Variants in ATXN7 observed in about 807,000 individuals in gnomAD.
ATXN7 encodes the protein ataxin-7.
A neutral mutation model predicts 70.5 loss-of-function variants in ATXN7; 12 were observed. That is an observed-to-expected ratio of 0.17 (90% CI 0.11 to 0.28). The LOEUF (loss-of-function observed/expected upper bound fraction) is 0.28. Ranked by LOEUF, ATXN7 falls within the 10% of genes least tolerant of loss-of-function variation. The pLI, the probability that ATXN7 is intolerant of heterozygous loss-of-function variation, is 1.00. For synonymous variants in ATXN7, 498 were observed against 448.7 expected (o/e 1.11, Z -1.39); for missense variants, 1,256 against 1,131.7 (o/e 1.11, Z -1.58).
chr3:64,002,560 G>T lies in ATXN7; in HGVS notation c.*3093G>T, dbSNP rs189032643. ...CACATGTATGTTACTATGTGATGTG[G>T]TTTAAAACTAATGGAAAAAACTGAA... On this transcript the variant is annotated 3_prime_UTR_variant, in exon 13 of 13. Transcript: ENST00000674280. 2.0e-5 allele frequency: 3 copies of T among 152,132 alleles called. No individual in the cohort carries two copies. In the East Asian group the frequency reaches 5.8e-4, roughly 29 times the overall value. 9.4% of individuals were successfully genotyped at this position (152,132 alleles called of 1,614,324 possible). A position where few individuals can be genotyped will look rare whatever the true frequency, so the allele number is the denominator to read the frequency against.
intron 1 of ATXN7, among the ~76,000 whole-genome samples, chr3:63,875,403 CAT>C (rs1439857567): frequency 6.6e-6 from 1 of 152,068 alleles, no homozygotes; most frequent in Non-Finnish European, 1.5e-5. Flanking sequence ...AGGATTTCAA[CAT>C]GTGAATTTGG....
chr3:63,968,037 C>A, intron 5 of ATXN7: 9 of 1,349,614 alleles, frequency 6.7e-6, no homozygotes, highest in Non-Finnish European at 9.2e-6. Context: ...TCTGGATGAG[C>A]CTGTGGACGG....
At chr3:63,954,910 T>C (rs996705485) in intron 5 of ATXN7, among the ~76,000 whole-genome samples, 1 of 152,038 alleles carries the variant, frequency 6.6e-6, no homozygotes, top group African/African-American at 2.4e-5. Flanking sequence ...CGTTTCACCA[T>C]GTTGGCCAGG....
At chr3:63,984,622 A>G (rs1213603581) in intron 8 of ATXN7, among the ~76,000 whole-genome samples, 1 of 152,228 alleles carries the variant, frequency 6.6e-6, no homozygotes, top group Non-Finnish European at 1.5e-5. Context: ...TTTCAAACCC[A>G]AGATGTTCTT....
intron 4 of ATXN7, among the ~76,000 whole-genome samples, chr3:63,920,012 T>C (rs1704445376): frequency 6.6e-6 from 1 of 152,010 alleles, no homozygotes; most frequent in Non-Finnish European, 1.5e-5. Context: ...AGCTGAAGCC[T>C]TGTTACAGGT....
Position 63,935,900 on chromosome 3 carries a change from G to A in ATXN7, c.395-16479G>A, listed in dbSNP as rs182444253. On this transcript the variant is annotated intron_variant, in intron 4 of 12. Transcript: ENST00000674280. ...GATGCTGGGGATAAACAGATATGTC[G>A]AACCTTATGTAGCAGGGTTGCATCT... is the stretch of plus-strand genomic sequence containing the variant. Among the ~76,000 whole-genome samples, 15 of 152,216 alleles carry A rather than the reference G, an allele frequency of 9.9e-5. 1 individual carries two copies. Among genetic ancestry groups the A allele is most frequent in the Admixed American group, 6.5e-4 (10 of 15,290 alleles).
chr3:63,983,114 G>A (rs983077121), intron 8 of ATXN7, 93 bp downstream of exon 8: 3 of 1,021,290 alleles, frequency 2.9e-6, no homozygotes, highest in South Asian at 2.6e-5. Context: ...CTAACCCAGA[G>A]AAGATGCTCT....
chr3:63,960,903 C>A (rs1364982344), intron 5 of ATXN7, among the ~76,000 whole-genome samples: 2 of 152,088 alleles, frequency 1.3e-5, no homozygotes, highest in Non-Finnish European at 1.5e-5. Flanking sequence ...TCTAGTCATA[C>A]AAGCCAGGAA....
chr3:63,936,253 AT>A (rs895027355), intron 4 of ATXN7, among the ~76,000 whole-genome samples: 10 of 151,554 alleles, frequency 6.6e-5, no homozygotes, highest in South Asian at 2.1e-4. Context: ...AATTATATGG[AT>A]TTTTTTTTCA....
chr3:63,944,703 C>T (rs996362066), intron 4 of ATXN7, among the ~76,000 whole-genome samples: 16 of 152,038 alleles, frequency 1.1e-4, no homozygotes, highest in Non-Finnish European at 1.8e-4. Context: ...TAGTAAGAGC[C>T]GGGGACCTTG....
intron 1 of ATXN7, among the ~76,000 whole-genome samples, chr3:63,884,249 A>T (rs919698838): frequency 7.4e-5 from 11 of 149,558 alleles, no homozygotes; most frequent in African/African-American, 9.8e-5. Context: ...ACATACTCTC[A>T]CACACACACA....
intron 5 of ATXN7, among the ~76,000 whole-genome samples, chr3:63,976,523 T>G (rs1037454748): frequency 2.0e-5 from 3 of 150,130 alleles, no homozygotes; most frequent in Non-Finnish European, 3.0e-5. Context: ...GAAAATAGAC[T>G]TTTTTGGGAT....
intron 4 of ATXN7, among the ~76,000 whole-genome samples, chr3:63,937,763 A>G (rs940793200): frequency 1.3e-5 from 2 of 152,148 alleles, no homozygotes; most frequent in African/African-American, 4.8e-5. Context: ...TCAGGAGTCA[A>G]CTAGTTTTAA....
chr3:63,902,627 G>A (rs903336555), intron 2 of ATXN7, among the ~76,000 whole-genome samples: 1 of 152,130 alleles, frequency 6.6e-6, no homozygotes, highest in African/African-American at 2.4e-5. Flanking sequence ...GATATTGACT[G>A]GCTAAGGAGT....
chr3:63,993,903 G>A (rs1040842771), intron 11 of ATXN7, among the ~76,000 whole-genome samples: 1 of 152,168 alleles, frequency 6.6e-6, no homozygotes, highest in African/African-American at 2.4e-5. Context: ...TTGTTGCCAT[G>A]CAGCTTCTGA....
chr3:63,942,779 C>A (rs2074793037), intron 4 of ATXN7, among the ~76,000 whole-genome samples: 1 of 152,290 alleles, frequency 6.6e-6, no homozygotes, highest in Admixed American at 6.5e-5. Flanking sequence ...AACACAGTTA[C>A]AAAAGTTTTA....
chr3:63,913,330 C>G lies in ATXN7; in HGVS notation c.394+105C>G. 15 of 1,202,458 alleles carry G rather than the reference C, an allele frequency of 1.2e-5. No individual in the cohort carries two copies. The South Asian group carries it at 1.9e-4, about 15-fold the overall frequency. The allele number at this position is 1,202,458 out of a possible 1,614,324, so 74.5% of individuals were successfully genotyped here. On this transcript the variant is annotated intron_variant, in intron 4 of 12. Transcript: ENST00000674280. ...GCCCACCATACCGACTCCCCGACTC[C>G]CCGTGCCTGCGAAGATGCTGCCTGA... is the stretch of plus-strand genomic sequence containing the variant.
Position 63,999,664 on chromosome 3 carries a change from A to G in ATXN7, c.*197A>G. 1 of 943,734 alleles carries G rather than the reference A, an allele frequency of 1.1e-6. No homozygotes were observed. Among genetic ancestry groups the G allele is most frequent in the Non-Finnish European group, 1.7e-6 (1 of 601,570 alleles). The allele number at this position is 943,734 out of a possible 1,614,324, so 58.5% of individuals were successfully genotyped here. On this transcript the variant is annotated 3_prime_UTR_variant, in exon 13 of 13. Transcript: ENST00000674280. ...TATGTCTCTAGCAGTGAGTACTCAT[A>G]AAGGACACTGGATCAAGTTCAGCCA...
intron 1 of ATXN7, among the ~76,000 whole-genome samples, chr3:63,885,399 C>T (rs983280771): frequency 1.3e-5 from 2 of 152,094 alleles, no homozygotes; most frequent in African/African-American, 4.8e-5. Context: ...GAGATATCAC[C>T]TCACTCCTGT....
Sources: gnomAD v4.1 joint callset for allele counts (sites outside exome capture counted in the v4.1 genomes callset) on GRCh38, gnomAD v4.1.1 for gene constraint, MANE v1.5 for transcripts, NCBI Gene and HGNC (gene_info 2026-07-23, HGNC 2026-07-21) for gene names.